COL23A1: variants seen among roughly 807,000 people sequenced by gnomAD.
COL23A1 encodes the protein collagen type XXIII alpha 1 chain.
COL23A1 carries 97 observed loss-of-function variants against 99.3 expected under a neutral mutation model. The ratio of observed to expected loss-of-function variants is 0.98; its 90% CI spans 0.83 to 1.16. The LOEUF (loss-of-function observed/expected upper bound fraction) is 1.16. COL23A1 is among the 50% of genes most tolerant of loss of function. The probability of loss-of-function intolerance (pLI) is 0.00; values close to 1 mark genes in which losing one functional copy is unlikely to be tolerated. For missense variants in COL23A1, 762 were observed against 757.4 expected (o/e 1.01, Z -0.07); for synonymous variants, 320 against 308.2 (o/e 1.04, Z -0.40).
intron 13 of COL23A1, 70 bp downstream of exon 13, chr5:178,257,453 A>T: frequency 6.6e-7 from 1 of 1,518,166 alleles, no homozygotes; most frequent in Non-Finnish European, 9.0e-7. Context: ...CAGGGTAGGG[A>T]CTTCACCAGG....
chr5:178,247,947 GAGTCTGGT>G, intron 20 of COL23A1, 116 bp from the exon 21 acceptor site: 1 of 944,618 alleles, frequency 1.1e-6, no homozygotes, highest in Non-Finnish European at 1.6e-6. Context: ...CCAGAGGGCA[GAGTCTGGT>G]GAGCAGGTGG....
intron 14 of COL23A1, 27 bp downstream of exon 14, chr5:178,256,839 C>A (rs754642125): frequency 1.9e-6 from 3 of 1,606,046 alleles, no homozygotes; most frequent in Non-Finnish European, 2.6e-6. Context: ...GGCCCGCAGG[C>A]GCCAGAGCAG....
intron 2 of COL23A1, among the ~76,000 whole-genome samples, chr5:178,337,296 G>A (rs2127655755): frequency 6.6e-6 from 1 of 152,376 alleles, no homozygotes; most frequent in South Asian, 2.1e-4. Context: ...GTGATCCCCG[G>A]CCAGACCCCG....
intron 2 of COL23A1, among the ~76,000 whole-genome samples, chr5:178,358,628 T>C (rs575439953): frequency 1.9e-4 from 27 of 141,456 alleles, no homozygotes; most frequent in Non-Finnish European, 3.2e-4. Flanking sequence ...TATGTGTGTA[T>C]GTGTCTAGTG....
At chr5:178,300,177 T>C (rs1352040461) in intron 3 of COL23A1, among the ~76,000 whole-genome samples, 1 of 152,008 alleles carries the variant, frequency 6.6e-6, no homozygotes, top group East Asian at 1.9e-4. Flanking sequence ...AGCAATTCTC[T>C]GCCTCAGCCT....
intron 2 of COL23A1, among the ~76,000 whole-genome samples, chr5:178,338,059 G>A (rs1760446728): frequency 6.6e-6 from 1 of 152,182 alleles, no homozygotes; most frequent in South Asian, 2.1e-4. Context: ...CGGAGGGGCT[G>A]TACTTGGGGC....
chr5:178,314,279 C>T (rs1446144132), intron 2 of COL23A1, among the ~76,000 whole-genome samples: 1 of 152,154 alleles, frequency 6.6e-6, no homozygotes, highest in African/African-American at 2.4e-5. Context: ...GGGAGCCGAA[C>T]AGCGCTGGGT....
intron 2 of COL23A1, among the ~76,000 whole-genome samples, chr5:178,538,855 CTG>C (rs1184879149): frequency 6.6e-6 from 1 of 152,176 alleles, no homozygotes; most frequent in East Asian, 1.9e-4. Flanking sequence ...GATAAACACA[CTG>C]TGGAGTAGCC....
intron 2 of COL23A1, among the ~76,000 whole-genome samples, chr5:178,473,689 T>C (rs1201068179): frequency 6.6e-6 from 1 of 152,012 alleles, no homozygotes; most frequent in Non-Finnish European, 1.5e-5. Context: ...GACGACTGAC[T>C]ATACTGTTTC....
In COL23A1 at chr5:178,302,104, TG is replaced by T. The variant is rs1275438448; in HGVS notation, c.406+4770del. On this transcript the variant is annotated intron_variant, in intron 3 of 28. Transcript: ENST00000390654. ...TGTGTGTGCCGGAGCACGGCTTCAA[TG>T]CTGCACCTCTGTGTGCGCCGGAGCA... Among the ~76,000 whole-genome samples the T allele has an allele frequency of 1.3e-3, 171 of 134,376 alleles. 22 individuals carry two copies. Among genetic ancestry groups the T allele is most frequent in the Non-Finnish European group, 1.3e-3 (83 of 62,868 alleles). 88.2% of individuals were successfully genotyped at this position (134,376 alleles called of 152,430 possible). A position where few individuals can be genotyped will look rare whatever the true frequency, so the allele number is the denominator to read the frequency against.
At chr5:178,278,933 G>C (rs1397199762) in intron 5 of COL23A1, among the ~76,000 whole-genome samples, 1 of 152,234 alleles carries the variant, frequency 6.6e-6, no homozygotes, top group Non-Finnish European at 1.5e-5. Flanking sequence ...CCAGGGAACA[G>C]AGTGGAGCTG....
At chr5:178,584,143 G>T (rs1203673014) in intron 1 of COL23A1, among the ~76,000 whole-genome samples, 3 of 152,170 alleles carry the variant, frequency 2.0e-5, no homozygotes, top group African/African-American at 7.2e-5. Flanking sequence ...CCAAGTAGCT[G>T]GGATTACAGG....
At chr5:178,465,889 T>C (rs925605389) in intron 2 of COL23A1, among the ~76,000 whole-genome samples, 1 of 152,182 alleles carries the variant, frequency 6.6e-6, no homozygotes, top group Admixed American at 6.5e-5. Flanking sequence ...ACTCGCCGCT[T>C]GCCTGGCTTC....
intron 2 of COL23A1, among the ~76,000 whole-genome samples, chr5:178,404,956 T>C (rs551828470): frequency 1.3e-5 from 2 of 152,332 alleles, no homozygotes; most frequent in South Asian, 4.1e-4. Context: ...GAAAAGGAAG[T>C]CATCTACAAA....
intron 2 of COL23A1, among the ~76,000 whole-genome samples, chr5:178,491,181 G>A (rs1757916114): frequency 6.6e-6 from 1 of 151,658 alleles, no homozygotes; most frequent in Admixed American, 6.6e-5. Flanking sequence ...AGAGAGAAGA[G>A]AACGAGGAGG....
At chr5:178,269,490 CCCAT>C (rs201476135) in intron 6 of COL23A1, among the ~76,000 whole-genome samples, 1 of 79,988 alleles carries the variant, frequency 1.3e-5, no homozygotes, top group African/African-American at 5.6e-5. Flanking sequence ...CATCCACCCA[CCCAT>C]CCACCCATCC....
intron 2 of COL23A1, among the ~76,000 whole-genome samples, chr5:178,509,347 A>G (rs997425234): frequency 6.6e-6 from 1 of 152,012 alleles, no homozygotes; most frequent in South Asian, 2.1e-4. Flanking sequence ...CAGCCTCCCT[A>G]GTAGCTGGGA....
rs1451522993 is a variant in COL23A1, at chr5:178,518,650, C to T, written c.361+42032G>A. ...GGCCGGGCAGAGACGCTCCTCACTT[C>T]CTAGATGGGATGGCGGCCGGGCGGA... is the stretch of plus-strand genomic sequence containing the variant. On this transcript the variant is annotated intron_variant, in intron 2 of 28. Coordinates refer to ENST00000390654, the MANE Select transcript of COL23A1 (RefSeq NM_173465.4). Among the ~76,000 whole-genome samples, 80 of 119,470 alleles carry T rather than the reference C, an allele frequency of 6.7e-4. No homozygotes were observed. The Middle Eastern group carries it at 0.021, about 31-fold the overall frequency. The allele number at this position is 119,470 out of a possible 152,430, so 78.4% of individuals were successfully genotyped here. A position where few individuals can be genotyped will look rare whatever the true frequency, so the allele number is the denominator to read the frequency against.
intron 2 of COL23A1, among the ~76,000 whole-genome samples, chr5:178,417,201 G>T (rs1258659812): frequency 6.6e-6 from 1 of 152,172 alleles, no homozygotes; most frequent in Non-Finnish European, 1.5e-5. Context: ...TGGCTCTTCT[G>T]GATGTACATA....
Sources: allele counts gnomAD v4.1 joint callset (sites outside exome capture counted in the v4.1 genomes callset), GRCh38; gene constraint gnomAD v4.1.1; transcripts MANE v1.5; gene names NCBI Gene and HGNC (gene_info 2026-07-23, HGNC 2026-07-21).